Variants in PITPNB observed in about 807,000 individuals in gnomAD.
The protein encoded by PITPNB is phosphatidylinositol transfer protein beta isoform.
In PITPNB, 16 loss-of-function variants were observed where a neutral mutation model predicts 45.9. The ratio of observed to expected loss-of-function variants is 0.35; its 90% CI spans 0.24 to 0.53. The LOEUF (loss-of-function observed/expected upper bound fraction) is 0.53. PITPNB is among the 20% of genes least tolerant of loss of function. The pLI is 0.93. For synonymous variants in PITPNB, 112 were observed against 108.9 expected, an observed-to-expected ratio of 1.03 and a Z score of -0.18; for missense variants, 188 against 330.5, an observed-to-expected ratio of 0.57 and a Z score of 3.34.
chr22:27,910,123 T>C (rs1247941593), intron 3 of PITPNB, among the ~76,000 whole-genome samples: 4 of 152,092 alleles, frequency 2.6e-5, no homozygotes, highest in Non-Finnish European at 1.5e-5. Flanking sequence ...GGCTAATTTT[T>C]GTATTTTTAG....
rs199953468 is a variant in PITPNB at position 27,860,247 on chromosome 22, T to A, written c.535-6A>T. 1.2e-5 allele frequency: 18 copies of A among 1,541,468 alleles called. No homozygotes were observed. The highest frequency in any genetic ancestry group is 1.6e-5 in the Non-Finnish European group (18 of 1,123,680). On this transcript the variant is annotated splice_region_variant and splice_polypyrimidine_tract_variant and intron_variant, in intron 8 of 11. Transcript: ENST00000335272. The stretch of plus-strand genomic sequence containing the variant: ...GGGCTGTTTGCCAGCTCCTTCTAGA[T>A]GAGAAAAATTGAAAAGGAGAAATTA...
chr22:27,918,898 C>A (rs775034196), intron 1 of PITPNB, among the ~76,000 whole-genome samples: 27 of 152,098 alleles, frequency 1.8e-4, no homozygotes, highest in Non-Finnish European at 3.2e-4. Flanking sequence ...AGCGGAAACT[C>A]CCGGCCGCGC....
chr22:27,896,479 T>A (rs1486023952), intron 6 of PITPNB, 73 bp downstream of exon 6: 1 of 981,624 alleles, frequency 1.0e-6, no homozygotes, highest in Non-Finnish European at 1.6e-6. Flanking sequence ...ACTTTGATGA[T>A]GACAAAGTGA....
Position 27,858,519 on chromosome 22 carries a change from C to A in PITPNB, c.646-10G>T. ...ATATCCGTTTTTCTTGCTTTTAAAA[C>A]AACAACAAAAAAGTAGCATAAGATG... On this transcript the variant is annotated splice_polypyrimidine_tract_variant and intron_variant, in intron 9 of 11. Coordinates refer to ENST00000335272, the MANE Select transcript of PITPNB (RefSeq NM_012399.5). 6.2e-7 allele frequency: 1 copy of A among 1,602,254 alleles called. No homozygotes were observed. The highest frequency in any genetic ancestry group is 1.7e-5 in the Admixed American group (1 of 57,842).
chr22:27,862,209 T>C (rs1381126288), intron 8 of PITPNB, among the ~76,000 whole-genome samples: 1 of 152,214 alleles, frequency 6.6e-6, no homozygotes, highest in African/African-American at 2.4e-5. Flanking sequence ...ATCGGCCACA[T>C]ACATTCAAAA....
intron 8 of PITPNB, chr22:27,860,525 T>C (rs1206023053): frequency 1.6e-5 from 4 of 243,416 alleles, no homozygotes; most frequent in African/African-American, 4.4e-5. Context: ...AAATACCAAA[T>C]TCTATTCACA....
intron 7 of PITPNB, among the ~76,000 whole-genome samples, chr22:27,874,945 A>T (rs1934777910): frequency 6.6e-6 from 1 of 152,240 alleles, no homozygotes; most frequent in Non-Finnish European, 1.5e-5. Context: ...CAAAAGCAAG[A>T]ACTGAACATG....
intron 8 of PITPNB, among the ~76,000 whole-genome samples, chr22:27,866,577 A>T (rs1934491507): frequency 6.6e-6 from 1 of 152,220 alleles, no homozygotes; most frequent in Admixed American, 6.5e-5. Context: ...GCATTCTGGA[A>T]ATGTATTTTC....
At chr22:27,858,566 C>T in intron 9 of PITPNB, 57 bp from the exon 10 acceptor site, 2 of 1,380,318 alleles carry the variant, frequency 1.4e-6, no homozygotes, top group South Asian at 1.2e-5. Context: ...AGATTAATGA[C>T]ACATTAACTT....
At position 27,861,149 on chromosome 22, in the gene PITPNB, G is replaced by A. The variant is rs1601377570; in HGVS notation, c.535-908C>T. On this transcript the variant is annotated intron_variant, in intron 8 of 11. Transcript: ENST00000335272. ...AGTTCGAGACCAGCCTGGCCAACAT[G>A]GTGAAATCCCGTCTCTACTAAAAAA... Among the ~76,000 whole-genome samples the A allele has an allele frequency of 2.6e-5, 4 of 151,910 alleles. No individual in the cohort carries two copies. In the East Asian group the frequency reaches 7.8e-4, roughly 29 times the overall value.
intron 7 of PITPNB, among the ~76,000 whole-genome samples, chr22:27,880,496 A>ACC (rs1045143466): frequency 2.6e-5 from 4 of 151,912 alleles, no homozygotes; most frequent in African/African-American, 9.7e-5. Context: ...TCCTATTCAC[A>ACC]CCCCCATCAC....
chr22:27,910,006 A>C (rs1354289925), intron 3 of PITPNB, among the ~76,000 whole-genome samples: 1 of 146,838 alleles, frequency 6.8e-6, no homozygotes, highest in Non-Finnish European at 1.5e-5. Context: ...GCTGGAGTGC[A>C]GTGGTGTGAT....
chr22:27,872,120 G>A (rs34844050), intron 8 of PITPNB, among the ~76,000 whole-genome samples: 8,494 of 119,784 alleles, frequency 0.071, 321 homozygotes, highest in Middle Eastern at 0.088. Context: ...TTGGGACGGA[G>A]TCTCACTCTG....
chr22:27,864,347 T>C (rs1026806946), intron 8 of PITPNB, among the ~76,000 whole-genome samples: 9 of 152,226 alleles, frequency 5.9e-5, no homozygotes, highest in Non-Finnish European at 1.0e-4. Context: ...AATGTCTGAA[T>C]GTCGTACATT....
At chr22:27,916,745 G>A (rs1433319397) in intron 1 of PITPNB, among the ~76,000 whole-genome samples, 2 of 152,112 alleles carry the variant, frequency 1.3e-5, no homozygotes, top group Non-Finnish European at 2.9e-5. Context: ...GGAGGTTGCA[G>A]TGAGCAGAGA....
chr22:27,896,856 G>T, intron 5 of PITPNB: 1 of 604,088 alleles, frequency 1.7e-6, no homozygotes. Flanking sequence ...TGGCATATCG[G>T]GCTAATAAAG....
At chr22:27,873,690 T>G in intron 8 of PITPNB, 48 bp downstream of exon 8, 10 of 1,098,396 alleles carry the variant, frequency 9.1e-6, no homozygotes, top group Admixed American at 1.7e-5. Flanking sequence ...ACCTGTCAAG[T>G]GTTCTGTTGC....
chr22:27,893,582 C>CTTTTTTTTTTT (rs745878388), intron 7 of PITPNB, among the ~76,000 whole-genome samples: 1 of 74,046 alleles, frequency 1.4e-5, no homozygotes, highest in Admixed American at 2.0e-4. Flanking sequence ...CATGTCTAGC[C>CTTTTTTTTTTT]TTTTTTTTTT....
At chr22:27,897,730 G>T in intron 4 of PITPNB, 71 bp downstream of exon 4, 3 of 991,076 alleles carry the variant, frequency 3.0e-6, no homozygotes, top group Middle Eastern at 2.4e-4. Context: ...CCTTCTCAAA[G>T]ACACTGGTAC....
Sources: allele counts gnomAD v4.1 joint callset (sites outside exome capture counted in the v4.1 genomes callset), GRCh38; gene constraint gnomAD v4.1.1; transcripts MANE v1.5; gene names NCBI Gene and HGNC (gene_info 2026-07-23, HGNC 2026-07-21).